Variants in SYDE1 observed in about 807,000 individuals in gnomAD.
SYDE1 encodes rho GTPase-activating protein SYDE1.
Under a neutral mutation model 63.3 loss-of-function variants are expected in SYDE1, and 34 were observed. The ratio of observed to expected loss-of-function variants is 0.54; its 90% CI spans 0.41 to 0.71. SYDE1 has a LOEUF of 0.71. Ranked by LOEUF, SYDE1 falls within the 30% of genes least tolerant of loss-of-function variation. The pLI is 0.00. For synonymous variants in SYDE1, 467 were observed against 473.4 expected (o/e 0.99, Z 0.18); for missense variants, 925 against 1,042.5 (o/e 0.89, Z 1.55).
At position 15,109,486 on chromosome 19, in the gene SYDE1, C is replaced by T. The variant is rs746932771; in HGVS notation, c.430+89C>T. On this transcript the variant is annotated intron_variant, in intron 2 of 7. Transcript: ENST00000342784. This position sits in a 1 kb window ranked among gnomAD's most constrained non-coding sequence, Gnocchi z 5.0. ...GGGTAGCACCAGCCTCACACTCCCT[C>T]CTCCCAGAGGAGCACCAACCTCACA... 5.7e-6 allele frequency: 8 copies of T among 1,403,754 alleles called. No individual in the cohort carries two copies. The highest frequency in any genetic ancestry group is 2.9e-5 in the African/African-American group (2 of 68,804). The allele number at this position is 1,403,754 out of a possible 1,614,324, so 87.0% of individuals were successfully genotyped here.
chr19:15,112,325 A>G, intron 6 of SYDE1, 21 bp from the exon 7 acceptor site: 1 of 1,531,744 alleles, frequency 6.5e-7, no homozygotes, highest in Non-Finnish European at 8.8e-7. Context: ...TCTGACTTAC[A>G]TCCTCTCAAC....
intron 7 of SYDE1, 30 bp downstream of exon 7, chr19:15,112,601 A>C (rs1265316840): frequency 1.3e-6 from 2 of 1,512,548 alleles, no homozygotes; most frequent in East Asian, 4.9e-5. Flanking sequence ...CTGCACCACC[A>C]ATCTGAGCCA....
In SYDE1 at chr19:15,114,496, C is replaced by T. The variant is rs566765484; in HGVS notation, c.*533C>T. 1 of 158,330 alleles carries T rather than the reference C, an allele frequency of 6.3e-6. No individual in the cohort carries two copies. The highest frequency in any genetic ancestry group is 2.4e-5 in the African/African-American group (1 of 41,492). The allele number at this position is 158,330 out of a possible 1,614,324, so 9.8% of individuals were successfully genotyped here. ...GGTTCCAGCATGGACACAGGGGTAG[C>T]CTGGGGCTTATAGAGAAACAGCTGG... On this transcript the variant is annotated 3_prime_UTR_variant, in exon 8 of 8. Coordinates refer to ENST00000342784, the MANE Select transcript of SYDE1 (RefSeq NM_033025.6).
Position 15,110,872 on chromosome 19 carries a change from G to A in SYDE1, c.1290+137G>A. 2.6e-6 allele frequency: 2 copies of A among 768,234 alleles called. No individual in the cohort carries two copies. Among genetic ancestry groups the A allele is most frequent in the South Asian group, 3.9e-5 (2 of 51,562 alleles). 47.6% of individuals were successfully genotyped at this position (768,234 alleles called of 1,614,324 possible). A position where few individuals can be genotyped will look rare whatever the true frequency, so the allele number is the denominator to read the frequency against. Reference sequence around the variant, plus strand: ...TCCAATCCCAACCTAGACAAGGGCAGAAGGCGCCCCCTTGACTGTAGCACC... The same window carrying A: ...TCCAATCCCAACCTAGACAAGGGCAAAAGGCGCCCCCTTGACTGTAGCACC... On this transcript the variant is annotated intron_variant, in intron 4 of 7. Transcript: ENST00000342784. The surrounding 1 kb of genome is among the most constrained non-coding windows in gnomAD (Gnocchi z 6.9).
chr19:15,112,414 C>G lies in SYDE1; in HGVS notation c.1647C>G (p.Thr549=), dbSNP rs1344712894. ...CCTTCCATGCCTACAACCGCATGAC[C>G]CCACAGAACTTGGCCGTGTGCTTCG... ...VSSFHAYNRM[T]PQNLAVCFGP... Residue 549 remains threonine (T), a synonymous_variant, in exon 7 of 8, where the codon ACC becomes ACG. Transcript: ENST00000342784. 1 of 1,601,326 alleles carries G rather than the reference C, an allele frequency of 6.2e-7. No individual in the cohort carries two copies. Among genetic ancestry groups the G allele is most frequent in the African/African-American group, 1.3e-5 (1 of 74,958 alleles).
rs1183228768 is a variant in SYDE1, at chr19:15,113,869, C to T, written c.2114C>T (p.Ala705Val). Residue 705 changes from alanine (A) to valine (V), a missense_variant, in exon 8 of 8, where the codon GCG (alanine) becomes GTG (valine). Around this residue, in one of 3 missense-constraint regions of SYDE1, gnomAD observed 255 missense variants for 255.9 expected, o/e 1.00. Transcript: ENST00000342784. The part of the protein sequence containing the change: ...VTGDFEDDFD[A>V]PFNPHLNLKD... ...GGTGACTTCGAAGACGACTTCGATG[C>T]GCCCTTCAACCCGCACCTGAATCTC... is the stretch of plus-strand genomic sequence containing the variant. 2.5e-6 allele frequency: 4 copies of T among 1,614,178 alleles called. No homozygotes were observed. Among genetic ancestry groups the T allele is most frequent in the Admixed American group, 1.7e-5 (1 of 60,026 alleles).
Position 15,107,440 on chromosome 19 carries a change from G to A in SYDE1, c.7G>A (p.Glu3Lys), listed in dbSNP as rs759368203. The stretch of plus-strand genomic sequence containing the variant: ...GCCCGGCCCGGGCCGCAGCATGGCC[G>A]AGCCGCTACTCAGGAAAACCTTCTC... MA[E>K]PLLRKTFSRL... is the part of the protein sequence containing the mutation. Residue 3 changes from glutamate to lysine, a missense_variant, in exon 1 of 8, where the codon GAG (glutamate) becomes AAG (lysine). This residue lies in a region of SYDE1 where 599 missense variants were observed against 653.7 expected (regional missense o/e 0.92). Coordinates refer to ENST00000342784, the MANE Select transcript of SYDE1 (RefSeq NM_033025.6). 2 of 1,456,940 alleles carry A rather than the reference G, an allele frequency of 1.4e-6. No individual in the cohort carries two copies. Among genetic ancestry groups the A allele is most frequent in the South Asian group, 1.2e-5 (1 of 82,198 alleles). The allele number at this position is 1,456,940 out of a possible 1,614,324, so 90.3% of individuals were successfully genotyped here.
At position 15,110,066 on chromosome 19, in the gene SYDE1, TG is replaced by T; in HGVS notation, c.797del (p.Gly266AlafsTer75). 1 of 1,491,534 alleles carries T rather than the reference TG, an allele frequency of 6.7e-7. No individual in the cohort carries two copies. Among genetic ancestry groups the T allele is most frequent in the South Asian group, 1.3e-5 (1 of 78,918 alleles). The allele number at this position is 1,491,534 out of a possible 1,614,324, so 92.4% of individuals were successfully genotyped here. ...PAARAPPAAL[W>X]GRLSLHLYGL... ...AGCCCGGGCACCCCCGGCCGCACTCTGGGGCCGCCTCAGCCTGCACCTGTAC... is the reference window on the plus strand; with the variant it reads ...AGCCCGGGCACCCCCGGCCGCACTCTGGGCCGCCTCAGCCTGCACCTGTAC... On this transcript the variant is annotated frameshift_variant, in exon 3 of 8. Coordinates refer to ENST00000342784, the MANE Select transcript of SYDE1 (RefSeq NM_033025.6). LOFTEE classifies it high-confidence loss of function. The surrounding 1 kb of genome is among the most constrained non-coding windows in gnomAD (Gnocchi z 6.9).
chr19:15,111,318 G>A lies in SYDE1; in HGVS notation c.1296G>A (p.Val432=). The A allele has an allele frequency of 6.2e-7, 1 of 1,614,108 alleles. No homozygotes were observed. Among genetic ancestry groups the A allele is most frequent in the South Asian group, 1.1e-5 (1 of 91,080 alleles). ...CTCTCTCTTCCCACCCCCAGGTAGT[G>A]GGACTGTACCGTCTTTGTGGCTCAG... is the stretch of plus-strand genomic sequence containing the variant. The part of the protein sequence containing the change: ...GQIERRGLRV[V]GLYRLCGSAA... Residue 432 remains valine (V), a synonymous_variant, in exon 5 of 8, where the codon GTG becomes GTA. Transcript: ENST00000342784. This position sits in a 1 kb window ranked among gnomAD's most constrained non-coding sequence, Gnocchi z 5.5.
chr19:15,112,418 C>G lies in SYDE1; in HGVS notation c.1651C>G (p.Gln551Glu), dbSNP rs1304522370. 1 of 1,601,422 alleles carries G rather than the reference C, an allele frequency of 6.2e-7. No homozygotes were observed. The part of the protein sequence containing the change: ...SFHAYNRMTP[Q>E]NLAVCFGPVL... ...CCATGCCTACAACCGCATGACCCCA[C>G]AGAACTTGGCCGTGTGCTTCGGGCC... The change falls in exon 7 of 8, where the codon CAG (glutamine) becomes GAG (glutamate). Residue 551 changes from glutamine to glutamate, a missense_variant. By Grantham distance (29) the Gln-to-Glu change is conservative (BLOSUM62 2). Coordinates refer to ENST00000342784, the MANE Select transcript of SYDE1 (RefSeq NM_033025.6).
At position 15,114,295 on chromosome 19, in the gene SYDE1, G is replaced by A. The variant is rs551189537; in HGVS notation, c.*332G>A. On this transcript the variant is annotated 3_prime_UTR_variant, in exon 8 of 8. Transcript: ENST00000342784. ...TGGCCTCTCTTGCCTCCCCTTGGCCGGGGCAACACCAGTTACTGTGAGCAT... is the reference window on the plus strand; with the variant it reads ...TGGCCTCTCTTGCCTCCCCTTGGCCAGGGCAACACCAGTTACTGTGAGCAT... The A allele has an allele frequency of 1.5e-4, 50 of 325,654 alleles. No individual in the cohort carries two copies. Among genetic ancestry groups the A allele is most frequent in the Middle Eastern group, 9.3e-4 (1 of 1,072 alleles). 20.2% of individuals were successfully genotyped at this position (325,654 alleles called of 1,614,324 possible).
rs745525231 is a variant in SYDE1, at chr19:15,111,715, C to A, written c.1501C>A (p.Arg501=). 6.2e-7 allele frequency: 1 copy of A among 1,612,028 alleles called. No individual in the cohort carries two copies. ...LYKVVLEAMA[R]DPPNRVPPTT... is the part of the protein sequence containing the mutation. Reference sequence around the variant, plus strand: ...TAAGGTGGTACTGGAGGCCATGGCCCGGGACCCCCCAAACAGAGTTCCCCC... The same window carrying A: ...TAAGGTGGTACTGGAGGCCATGGCCAGGGACCCCCCAAACAGAGTTCCCCC... Residue 501 remains arginine (R), a synonymous_variant, in exon 6 of 8, where the codon CGG becomes AGG. Coordinates refer to ENST00000342784, the MANE Select transcript of SYDE1 (RefSeq NM_033025.6). The surrounding 1 kb of genome is among the most constrained non-coding windows in gnomAD (Gnocchi z 5.5).
chr19:15,111,382 G>A lies in SYDE1; in HGVS notation c.1360G>A (p.Asp454Asn), dbSNP rs764226233. Residue 454 changes from aspartate (D) to asparagine (N), a missense_variant, in exon 5 of 8, where the codon GAC becomes AAC. Asp to Asn is a conservative substitution (Grantham distance 23, BLOSUM62 1). This residue lies in a region of SYDE1 where 599 missense variants were observed against 653.7 expected (regional missense o/e 0.92). Transcript: ENST00000342784. The surrounding 1 kb of genome is among the most constrained non-coding windows in gnomAD (Gnocchi z 5.5). ...AGAGCTTCGGGATGCCTTTGAGCGG[G>A]ACAGTGCAGCGGTCTGCCTATCTGA... ...KKELRDAFER[D>N]SAAVCLSEDL... is the part of the protein sequence containing the mutation. 5 of 1,614,110 alleles carry A rather than the reference G, an allele frequency of 3.1e-6. No homozygotes were observed. In the East Asian group the frequency reaches 1.1e-4, roughly 36 times the overall value.
In SYDE1 at chr19:15,110,454, G is replaced by A. The variant is rs2046337614; in HGVS notation, c.1076-67G>A. 1 of 1,501,948 alleles carries A rather than the reference G, an allele frequency of 6.7e-7. No individual in the cohort carries two copies. The highest frequency in any genetic ancestry group is 8.9e-7 in the Non-Finnish European group (1 of 1,120,010). The allele number at this position is 1,501,948 out of a possible 1,614,324, so 93.0% of individuals were successfully genotyped here. A position where few individuals can be genotyped will look rare whatever the true frequency, so the allele number is the denominator to read the frequency against. On this transcript the variant is annotated intron_variant, in intron 3 of 7. Coordinates refer to ENST00000342784, the MANE Select transcript of SYDE1 (RefSeq NM_033025.6). This position sits in a 1 kb window ranked among gnomAD's most constrained non-coding sequence, Gnocchi z 6.9. ...GGGCTCCGGGCGGAAGGTGTGGCCTGGAGCAGCGAGGCCAGGGTACATGAA... is the reference window on the plus strand; with the variant it reads ...GGGCTCCGGGCGGAAGGTGTGGCCTAGAGCAGCGAGGCCAGGGTACATGAA...
Position 15,110,266 on chromosome 19 carries a change from C to A in SYDE1, c.993C>A (p.Ala331=). The A allele has an allele frequency of 7.1e-7, 1 of 1,417,838 alleles. No homozygotes were observed. Among genetic ancestry groups the A allele is most frequent in the Non-Finnish European group, 9.2e-7 (1 of 1,088,836 alleles). The allele number at this position is 1,417,838 out of a possible 1,614,324, so 87.8% of individuals were successfully genotyped here. The change falls in exon 3 of 8, where the codon GCC becomes GCA. Residue 331 remains alanine (A), a synonymous_variant. Transcript: ENST00000342784. This position sits in a 1 kb window ranked among gnomAD's most constrained non-coding sequence, Gnocchi z 6.9. ...LELEAARLLR[A]LVLAWDPGVR... Reference sequence around the variant, plus strand: ...TGGAGGCCGCCAGGCTCCTGCGCGCCCTGGTGCTTGCGTGGGACCCTGGCG... The same window carrying A: ...TGGAGGCCGCCAGGCTCCTGCGCGCACTGGTGCTTGCGTGGGACCCTGGCG...
chr19:15,110,141 T>A lies in SYDE1; in HGVS notation c.868T>A (p.Cys290Ser). 7.1e-7 allele frequency: 1 copy of A among 1,407,868 alleles called. No individual in the cohort carries two copies. Among genetic ancestry groups the A allele is most frequent in the Non-Finnish European group, 9.2e-7 (1 of 1,086,360 alleles). The allele number at this position is 1,407,868 out of a possible 1,614,324, so 87.2% of individuals were successfully genotyped here. ...GCCGGGGGCCACCCCCAGGGACCTC[T>A]GCTGCCTACTGCAAGTGGATGGGGA... ...PAPGATPRDLCCLLQVDGEAR... is the reference protein window; with the variant it reads ...PAPGATPRDLSCLLQVDGEAR... Residue 290 changes from cysteine to serine, a missense_variant, in exon 3 of 8, where the codon TGC becomes AGC. This residue lies in a region of SYDE1 where 599 missense variants were observed against 653.7 expected (regional missense o/e 0.92). Coordinates refer to ENST00000342784, the MANE Select transcript of SYDE1 (RefSeq NM_033025.6). This position sits in a 1 kb window ranked among gnomAD's most constrained non-coding sequence, Gnocchi z 6.9.
At position 15,107,520 on chromosome 19, in the gene SYDE1, C is replaced by A; in HGVS notation, c.87C>A (p.Arg29=). The A allele has an allele frequency of 6.5e-7, 1 of 1,541,622 alleles. No individual in the cohort carries two copies. Among genetic ancestry groups the A allele is most frequent in the Non-Finnish European group, 8.8e-7 (1 of 1,140,592 alleles). ...GGAAAAAGTCGGACGCCAAGGAGCG[C>A]GGTAAGCGGAGATCGGTGGGGAACA... The part of the protein sequence containing the change: ...LPRKKSDAKE[R]GHPAQRPEPS... Residue 29 remains arginine (R), a splice_region_variant and synonymous_variant, in exon 1 of 8, where the codon CGC becomes CGA. Transcript: ENST00000342784.
chr19:15,109,301 T>C lies in SYDE1; in HGVS notation c.334T>C (p.Tyr112His). The change falls in exon 2 of 8, where the codon TAC becomes CAC. Residue 112 changes from tyrosine (Y) to histidine (H), a missense_variant. Coordinates refer to ENST00000342784, the MANE Select transcript of SYDE1 (RefSeq NM_033025.6). This position sits in a 1 kb window ranked among gnomAD's most constrained non-coding sequence, Gnocchi z 5.0. Reference protein sequence around the residue: ...GTGEPAGEIWYNPIPEEDPRP... With the variant: ...GTGEPAGEIWHNPIPEEDPRP... ...TGGGGAGCCCGCCGGCGAGATCTGG[T>C]ACAACCCCATCCCTGAGGAAGACCC... The C allele has an allele frequency of 6.2e-7, 1 of 1,613,556 alleles. No individual in the cohort carries two copies. Among genetic ancestry groups the C allele is most frequent in the Non-Finnish European group, 8.5e-7 (1 of 1,179,738 alleles).
Position 15,110,387 on chromosome 19 carries a change from C to T in SYDE1, c.1075+39C>T, listed in dbSNP as rs1003119591. 3.5e-6 allele frequency: 5 copies of T among 1,442,872 alleles called. No individual in the cohort carries two copies. The highest frequency in any genetic ancestry group is 2.8e-5 in the African/African-American group (2 of 70,460). The allele number at this position is 1,442,872 out of a possible 1,614,324, so 89.4% of individuals were successfully genotyped here. A position where few individuals can be genotyped will look rare whatever the true frequency, so the allele number is the denominator to read the frequency against. On this transcript the variant is annotated intron_variant, in intron 3 of 7. Coordinates refer to ENST00000342784, the MANE Select transcript of SYDE1 (RefSeq NM_033025.6). The surrounding 1 kb of genome is among the most constrained non-coding windows in gnomAD (Gnocchi z 6.9). ...CTGCAGGGGAGGAGGGGCAGGGACC[C>T]CCAAACCCCACCGCCACCCCCCGCA...
Sources: gnomAD v4.1 joint callset for allele counts on GRCh38, gnomAD v4.1.1 for gene constraint, gnomAD v4.1.1 regional missense constraint, Gnocchi (gnomAD v3.1) non-coding constraint, MANE v1.5 for transcripts, NCBI Gene and HGNC (gene_info 2026-07-23, HGNC 2026-07-21) for gene names.